Variants in CNTNAP2 observed in about 807,000 individuals in gnomAD.
The protein encoded by CNTNAP2 is contactin-associated protein-like 2.
A neutral mutation model predicts 155.2 loss-of-function variants in CNTNAP2; 98 were observed. The observed-to-expected ratio is 0.63, with a 90% confidence interval of 0.54 to 0.75. CNTNAP2 has a LOEUF of 0.75. CNTNAP2 is among the 30% of genes least tolerant of loss of function. The pLI, the probability that CNTNAP2 is intolerant of heterozygous loss-of-function variation, is 0.00. For synonymous variants in CNTNAP2, 651 were observed against 631.2 expected, an observed-to-expected ratio of 1.03 and a Z score of -0.47; for missense variants, 1,727 against 1,688.1, an observed-to-expected ratio of 1.02 and a Z score of -0.40.
intron 16 of CNTNAP2, among the ~76,000 whole-genome samples, chr7:148,120,972 GA>G (rs574423227): frequency 6.6e-6 from 1 of 152,032 alleles, no homozygotes; most frequent in Non-Finnish European, 1.5e-5. Context: ...AGAACATGGA[GA>G]AAAAAATGGC....
At chr7:147,251,368 T>C (rs1037350350) in intron 8 of CNTNAP2, among the ~76,000 whole-genome samples, 8 of 152,174 alleles carry the variant, frequency 5.3e-5, no homozygotes, top group Admixed American at 6.5e-5. Flanking sequence ...TTGTTAACCC[T>C]TTTTTCCTAT....
chr7:146,568,282 A>G (rs1164584429), intron 1 of CNTNAP2, among the ~76,000 whole-genome samples: 2 of 152,128 alleles, frequency 1.3e-5, no homozygotes, highest in Admixed American at 1.3e-4. Flanking sequence ...AGCAACAAAA[A>G]CTTTAGTCAG....
At chr7:146,784,954 A>G (rs866805122) in intron 2 of CNTNAP2, among the ~76,000 whole-genome samples, 1 of 150,560 alleles carries the variant, frequency 6.6e-6, no homozygotes, top group South Asian at 2.1e-4. Context: ...TAATCATTTA[A>G]TATTCCTTTA....
chr7:146,792,548 G>C (rs745529075), intron 2 of CNTNAP2, among the ~76,000 whole-genome samples: 1 of 152,174 alleles, frequency 6.6e-6, no homozygotes, highest in Non-Finnish European at 1.5e-5. Flanking sequence ...AGTGTTGAAA[G>C]GCTGCTCAAA....
intron 11 of CNTNAP2, among the ~76,000 whole-genome samples, chr7:147,559,860 G>T (rs144007091): frequency 0.012 from 1,510 of 121,290 alleles, 15 homozygotes; most frequent in Non-Finnish European, 0.017. Context: ...ATGTCTTGCC[G>T]ATCTTAAAAA....
At chr7:148,128,793 A>G (rs1585141193) in intron 16 of CNTNAP2, among the ~76,000 whole-genome samples, 2 of 152,320 alleles carry the variant, frequency 1.3e-5, no homozygotes, top group South Asian at 4.1e-4. Flanking sequence ...CTGGCCAGAC[A>G]GAGTGACATC....
At chr7:146,295,668 T>C (rs1204275630) in intron 1 of CNTNAP2, among the ~76,000 whole-genome samples, 3 of 152,116 alleles carry the variant, frequency 2.0e-5, no homozygotes, top group African/African-American at 7.2e-5. Context: ...ATTTTGCCTA[T>C]TTTTAAAAGA....
chr7:147,200,123 G>T lies in CNTNAP2; in HGVS notation c.1348+67614G>T, dbSNP rs111561243. On this transcript the variant is annotated intron_variant, in intron 8 of 23. Transcript: ENST00000361727. ...CCTGTTTTCTTCCCTCTGGCACCTG[G>T]TGTTCTCTTTACCCACTGCTGCTTC... 4.1e-4 allele frequency among the ~76,000 whole-genome samples: 62 copies of T among 151,398 alleles called. 2 individuals carry two copies. Among genetic ancestry groups the T allele is most frequent in the African/African-American group, 1.4e-3 (57 of 41,196 alleles).
intron 10 of CNTNAP2, among the ~76,000 whole-genome samples, chr7:147,404,310 C>T (rs779881208): frequency 1.3e-5 from 2 of 152,188 alleles, no homozygotes; most frequent in African/African-American, 2.4e-5. Context: ...AGCAATTTTT[C>T]ATAAGTGAAA....
At chr7:147,249,691 T>C (rs1370169098) in intron 8 of CNTNAP2, among the ~76,000 whole-genome samples, 2 of 147,510 alleles carry the variant, frequency 1.4e-5, no homozygotes, top group Non-Finnish European at 3.0e-5. Flanking sequence ...AGTTGGGAAA[T>C]GCAGTGGACT....
intron 13 of CNTNAP2, among the ~76,000 whole-genome samples, chr7:147,668,075 G>A (rs1296164666): frequency 6.6e-6 from 1 of 152,142 alleles, no homozygotes; most frequent in Non-Finnish European, 1.5e-5. Context: ...ACATCGAGGA[G>A]CTCCTGGAGG....
chr7:146,644,758 A>G (rs1799779891), intron 1 of CNTNAP2, among the ~76,000 whole-genome samples: 2 of 152,188 alleles, frequency 1.3e-5, no homozygotes, highest in African/African-American at 2.4e-5. Context: ...CTCGACACAT[A>G]CACCCTCCCA....
chr7:146,514,179 C>T (rs1465627211), intron 1 of CNTNAP2, among the ~76,000 whole-genome samples: 4 of 152,010 alleles, frequency 2.6e-5, no homozygotes, highest in Middle Eastern at 3.4e-3. Flanking sequence ...CTTGATATTT[C>T]ACTGTTTGAC....
At chr7:146,249,393 G>A (rs538950288) in intron 1 of CNTNAP2, among the ~76,000 whole-genome samples, 1 of 152,060 alleles carries the variant, frequency 6.6e-6, no homozygotes, top group Admixed American at 6.6e-5. Flanking sequence ...TCTCTTAATA[G>A]AAATGAGGAA....
At chr7:147,074,453 T>G (rs1799957641) in intron 4 of CNTNAP2, among the ~76,000 whole-genome samples, 1 of 152,176 alleles carries the variant, frequency 6.6e-6, no homozygotes, top group Non-Finnish European at 1.5e-5. Flanking sequence ...TGCCACCATT[T>G]CTATGGTTGA....
At chr7:146,359,336 T>G (rs990860642) in intron 1 of CNTNAP2, among the ~76,000 whole-genome samples, 1 of 152,262 alleles carries the variant, frequency 6.6e-6, no homozygotes, top group African/African-American at 2.4e-5. Flanking sequence ...ATCAAGTTAC[T>G]TTCATTCCTA....
intron 1 of CNTNAP2, among the ~76,000 whole-genome samples, chr7:146,320,912 A>G (rs1297875865): frequency 6.6e-6 from 1 of 151,538 alleles, no homozygotes; most frequent in Admixed American, 6.6e-5. Flanking sequence ...ATTGAGTATT[A>G]AATAAAAGAT....
chr7:146,956,494 C>T (rs1797440328), intron 3 of CNTNAP2, among the ~76,000 whole-genome samples: 1 of 152,160 alleles, frequency 6.6e-6, no homozygotes, highest in African/African-American at 2.4e-5. Context: ...GCTGGGCTTA[C>T]AGCCAAGTGT....
intron 21 of CNTNAP2, among the ~76,000 whole-genome samples, chr7:148,339,974 AGTGTGTGT>A (rs10603520): frequency 0.026 from 3,698 of 144,864 alleles, 65 homozygotes; most frequent in African/African-American, 0.057. Context: ...TCCTTCGTGC[AGTGTGTGT>A]GTGTGTGTGT....
Sources: allele counts gnomAD v4.1 joint callset (sites outside exome capture counted in the v4.1 genomes callset), GRCh38; gene constraint gnomAD v4.1.1; transcripts MANE v1.5; gene names NCBI Gene and HGNC (gene_info 2026-07-23, HGNC 2026-07-21).